RAD17: variants seen among roughly 807,000 people sequenced by gnomAD.
RAD17 encodes RAD17 checkpoint clamp loader component, also known as cell cycle checkpoint protein RAD17.
Under a neutral mutation model 81.5 loss-of-function variants are expected in RAD17, and 31 were observed. That is an observed-to-expected ratio of 0.38 (90% CI 0.29 to 0.51). RAD17 has a LOEUF of 0.51. Among genes scored for constraint, RAD17 ranks in the 20% least tolerant of loss-of-function variants. RAD17 has a pLI of 0.88. For synonymous variants in RAD17, 261 were observed against 266.2 expected (o/e 0.98, Z 0.19); for missense variants, 681 against 781.2 (o/e 0.87, Z 1.53).
rs757707736 is a variant in RAD17, at chr5:69,386,469, A to G, written c.894+4A>G. On this transcript the variant is annotated splice_donor_region_variant and intron_variant, in intron 11 of 18. Coordinates refer to ENST00000354868, the MANE Select transcript of RAD17 (RefSeq NM_133338.3). ...AGTGACTATAGAAGCTAACAAGGTA[A>G]GTCTCTGATTAATTAAACCTTACTC... 1 of 1,581,238 alleles carries G rather than the reference A, an allele frequency of 6.3e-7. No individual in the cohort carries two copies. Among genetic ancestry groups the G allele is most frequent in the East Asian group, 2.3e-5 (1 of 44,276 alleles).
intron 16 of RAD17, among the ~76,000 whole-genome samples, chr5:69,398,174 A>C (rs1229980904): frequency 6.6e-6 from 1 of 152,196 alleles, no homozygotes; most frequent in Non-Finnish European, 1.5e-5. Context: ...ACCACACACA[A>C]AAAATATATG....
intron 15 of RAD17, among the ~76,000 whole-genome samples, 192 bp downstream of exon 15, chr5:69,393,692 A>G (rs952127833): frequency 5.3e-5 from 8 of 152,104 alleles, no homozygotes; most frequent in African/African-American, 1.9e-4. Flanking sequence ...TCTGCTGATA[A>G]TATAGCACCA....
chr5:69,390,422 A>G (rs568822711), intron 12 of RAD17, among the ~76,000 whole-genome samples: 2 of 152,048 alleles, frequency 1.3e-5, no homozygotes, highest in Non-Finnish European at 2.9e-5. Flanking sequence ...TGAGCCTAGG[A>G]GTTTGAAACC....
rs745420123 is a variant in RAD17 at position 69,400,178 on chromosome 5, A to G, written c.1693+9A>G. On this transcript the variant is annotated intron_variant, in intron 17 of 18. Transcript: ENST00000354868. ...TCCAATGAGAAATCAAGGTAATAAC[A>G]TAGGTTTTTCTTTTCTTTTAAGAAG... The G allele has an allele frequency of 1.1e-5, 16 of 1,486,508 alleles. No homozygotes were observed. In the South Asian group the frequency reaches 1.2e-4, roughly 11 times the overall value. 92.1% of individuals were successfully genotyped at this position (1,486,508 alleles called of 1,614,324 possible). A position where few individuals can be genotyped will look rare whatever the true frequency, so the allele number is the denominator to read the frequency against.
intron 16 of RAD17, among the ~76,000 whole-genome samples, chr5:69,397,670 A>T (rs975755629): frequency 6.6e-6 from 1 of 152,186 alleles, no homozygotes; most frequent in African/African-American, 2.4e-5. Flanking sequence ...GAAAATAGAA[A>T]TCCCTAGTAT....
intron 17 of RAD17, among the ~76,000 whole-genome samples, chr5:69,410,075 G>A (rs930892676): frequency 7.2e-5 from 11 of 152,168 alleles, no homozygotes; most frequent in Admixed American, 6.5e-4. Context: ...CACTTGGGTT[G>A]CTTCCACCCA....
intron 6 of RAD17, among the ~76,000 whole-genome samples, chr5:69,379,484 G>C (rs2150791868): frequency 6.6e-6 from 1 of 152,132 alleles, no homozygotes; most frequent in Admixed American, 6.5e-5. Flanking sequence ...TCACTTACTG[G>C]AACTTTTTGT....
At chr5:69,379,397 C>T (rs977116981) in intron 6 of RAD17, among the ~76,000 whole-genome samples, 1 of 152,110 alleles carries the variant, frequency 6.6e-6, no homozygotes, top group African/African-American at 2.4e-5. Flanking sequence ...TTACTGTGCA[C>T]TATTGTAGAC....
chr5:69,372,058 AGAAAT>A lies in RAD17; in HGVS notation c.-146_-142del. On this transcript the variant is annotated 5_prime_UTR_variant, in exon 4 of 19. The change abolishes an upstream ATG in the 5' untranslated region. Coordinates refer to ENST00000354868, the MANE Select transcript of RAD17 (RefSeq NM_133338.3). ...GTATATGGGAGTCCACATTTATGTA[AGAAAT>A]GAAACTATAAAATGTATAAATAATT... is the stretch of plus-strand genomic sequence containing the variant. 7.5e-7 allele frequency: 1 copy of A among 1,336,898 alleles called. No individual in the cohort carries two copies. Among genetic ancestry groups the A allele is most frequent in the Non-Finnish European group, 9.9e-7 (1 of 1,012,210 alleles). 82.8% of individuals were successfully genotyped at this position (1,336,898 alleles called of 1,614,324 possible). A position where few individuals can be genotyped will look rare whatever the true frequency, so the allele number is the denominator to read the frequency against.
chr5:69,410,998 C>G (rs1168404), intron 18 of RAD17, among the ~76,000 whole-genome samples: 2 of 81,314 alleles, frequency 2.5e-5, no homozygotes, highest in Non-Finnish European at 4.2e-5. Flanking sequence ...TATATATATA[C>G]TGTTCATTTT....
rs771753521 is a variant in RAD17 at position 69,372,228 on chromosome 5, CTA to C, written c.9+12_9+13del. The C allele has an allele frequency of 6.3e-7, 1 of 1,593,678 alleles. No individual in the cohort carries two copies. The highest frequency in any genetic ancestry group is 1.7e-5 in the Admixed American group (1 of 59,856). On this transcript the variant is annotated intron_variant, in intron 4 of 18. Transcript: ENST00000354868. ...GACGAAATGAATCAGGTAGCTATGA[CTA>C]AAATTTTTTCCAGTGGTCTTCCTTT...
chr5:69,401,680 A>G (rs949149571), intron 17 of RAD17, among the ~76,000 whole-genome samples: 8 of 151,956 alleles, frequency 5.3e-5, no homozygotes, highest in Non-Finnish European at 7.4e-5. Flanking sequence ...CTCCTTGCCA[A>G]TTGCTTTAAG....
At chr5:69,394,424 A>G (rs1478981693) in intron 15 of RAD17, among the ~76,000 whole-genome samples, 1 of 152,120 alleles carries the variant, frequency 6.6e-6, no homozygotes, top group Non-Finnish European at 1.5e-5. Context: ...ATTAAGAAGT[A>G]GATACAAGAG....
At position 69,377,505 on chromosome 5, in the gene RAD17, A is replaced by ATATATACGTATATATATG. The variant is rs1561239157; in HGVS notation, c.351+2795_351+2796insATATACGTATATATATGT. Among the ~76,000 whole-genome samples the ATATATACGTATATATATG allele has an allele frequency of 9.8e-5, 10 of 102,092 alleles. 1 individual carries two copies. The highest frequency in any genetic ancestry group is 3.9e-4 in the African/African-American group (10 of 25,760). 67.0% of individuals were successfully genotyped at this position (102,092 alleles called of 152,430 possible). A position where few individuals can be genotyped will look rare whatever the true frequency, so the allele number is the denominator to read the frequency against. On this transcript the variant is annotated intron_variant, in intron 6 of 18. Transcript: ENST00000354868. Reference sequence around the variant, plus strand: ...CACACACATATATATACGTATATATATGTATATATACGTATATATATGTGT... The same window carrying ATATATACGTATATATATG: ...CACACACATATATATACGTATATATATATATACGTATATATATGTGTATATATACGTATATATATGTGT...
At chr5:69,378,811 CT>C in intron 6 of RAD17, among the ~76,000 whole-genome samples, 1 of 152,190 alleles carries the variant, frequency 6.6e-6, no homozygotes, top group South Asian at 2.1e-4. Flanking sequence ...AAACCTCCAC[CT>C]AGGCTATATG....
intron 6 of RAD17, among the ~76,000 whole-genome samples, chr5:69,377,427 GTGTGTGTGTGTGTATATATATATATATA>G (rs1763409110): frequency 3.1e-5 from 1 of 31,748 alleles, no homozygotes; most frequent in South Asian, 2.5e-3. Context: ...ATATGTGTGT[GTGTGTGTGTGTGTATATATATATATATA>G]TATATATATA....
chr5:69,372,212 A>C lies in RAD17; in HGVS notation c.4A>C (p.Asn2His), dbSNP rs150233572. The change falls in exon 4 of 19, where the codon AAT (asparagine) becomes CAT (histidine). Residue 2 changes from asparagine (N) to histidine (H), a missense_variant. Coordinates refer to ENST00000354868, the MANE Select transcript of RAD17 (RefSeq NM_133338.3). M[N>H]QVTDWVDPSF... ...ACAATCTTTTGATGAGGACGAAATG[A>C]ATCAGGTAGCTATGACTAAAATTTT... 1.1e-3 allele frequency: 1,734 copies of C among 1,607,246 alleles called. 6 individuals are homozygous for C. Among genetic ancestry groups the C allele is most frequent in the Non-Finnish European group, 8.3e-4 (979 of 1,174,090 alleles).
chr5:69,370,721 A>T (rs1025356293), intron 1 of RAD17: 1 of 153,580 alleles, frequency 6.5e-6, no homozygotes, highest in Non-Finnish European at 1.4e-5. Flanking sequence ...ATACCTTTTG[A>T]AACGTCACAG....
intron 6 of RAD17, among the ~76,000 whole-genome samples, chr5:69,377,048 C>T (rs1024811043): frequency 3.9e-5 from 6 of 152,108 alleles, no homozygotes; most frequent in Non-Finnish European, 8.8e-5. Context: ...GTCATCACGC[C>T]CAGCCAATCC....
Sources: allele counts gnomAD v4.1 joint callset (sites outside exome capture counted in the v4.1 genomes callset), GRCh38; gene constraint gnomAD v4.1.1; transcripts MANE v1.5; gene names NCBI Gene and HGNC (gene_info 2026-07-23, HGNC 2026-07-21).